The following STIM2 variants were observed in gnomAD, a reference collection of about 807,000 sequenced individuals.
The protein encoded by STIM2 is stromal interaction molecule 2.
Under a neutral mutation model 85.8 loss-of-function variants are expected in STIM2, and 31 were observed. The observed-to-expected ratio is 0.36, with a 90% CI of 0.27 to 0.49. The LOEUF (loss-of-function observed/expected upper bound fraction) is 0.49, where lower values mean the gene tolerates loss of function less well. Among genes scored for constraint, STIM2 ranks in the 20% least tolerant of loss-of-function variants. STIM2 has a pLI of 0.98. For synonymous variants in STIM2, 356 were observed against 331.1 expected (o/e 1.08, Z -0.82); for missense variants, 841 against 927.6 (o/e 0.91, Z 1.21).
chr4:26,911,399 C>A (rs956720303), intron 1 of STIM2, among the ~76,000 whole-genome samples: 1 of 152,112 alleles, frequency 6.6e-6, no homozygotes, highest in Non-Finnish European at 1.5e-5. Context: ...TTAGCAGGTA[C>A]TTCTTATGCA....
At position 26,984,373 on chromosome 4, in the gene STIM2, T is replaced by C. The variant is rs527466982; in HGVS notation, c.398-11006T>C. 1.4e-3 allele frequency among the ~76,000 whole-genome samples: 211 copies of C among 152,318 alleles called. 1 individual carries two copies. The highest frequency in any genetic ancestry group is 5.0e-3 in the African/African-American group (207 of 41,572). On this transcript the variant is annotated intron_variant, in intron 3 of 11. Coordinates refer to ENST00000467087, the MANE Select transcript of STIM2 (RefSeq NM_020860.4). ...CTATTTCTCCAATTTTTTTTGTTTTTGGAGATGGAGTCTCACTCACTCTGT... is the reference window on the plus strand; with the variant it reads ...CTATTTCTCCAATTTTTTTTGTTTTCGGAGATGGAGTCTCACTCACTCTGT...
chr4:26,951,446 G>T (rs1411360772), intron 2 of STIM2, among the ~76,000 whole-genome samples: 2 of 152,102 alleles, frequency 1.3e-5, no homozygotes, highest in East Asian at 3.9e-4. Context: ...AACTCATTTA[G>T]GGCAGTCATA....
intron 3 of STIM2, among the ~76,000 whole-genome samples, chr4:26,978,186 T>C (rs1727263633): frequency 6.6e-6 from 1 of 151,094 alleles, no homozygotes; most frequent in African/African-American, 2.4e-5. Flanking sequence ...TGAAGGGAGA[T>C]AATGTTGTGA....
chr4:26,987,033 A>G (rs1165597037), intron 3 of STIM2, among the ~76,000 whole-genome samples: 4 of 152,198 alleles, frequency 2.6e-5, no homozygotes, highest in Non-Finnish European at 5.9e-5. Flanking sequence ...TCATGGGAGA[A>G]AGAGATTGCT....
At chr4:26,890,749 G>A (rs866628756) in intron 1 of STIM2, among the ~76,000 whole-genome samples, 34 of 150,822 alleles carry the variant, frequency 2.3e-4, no homozygotes, top group East Asian at 9.8e-4. Flanking sequence ...GCGTGAACCC[G>A]GGAGGCGGAG....
chr4:26,996,419 A>T (rs577842800), intron 4 of STIM2, among the ~76,000 whole-genome samples: 1 of 152,032 alleles, frequency 6.6e-6, no homozygotes, highest in Non-Finnish European at 1.5e-5. Flanking sequence ...TCTAATCATT[A>T]TATGTAATGA....
chr4:26,975,975 C>T (rs930064960), intron 3 of STIM2, among the ~76,000 whole-genome samples: 2 of 152,374 alleles, frequency 1.3e-5, no homozygotes, highest in African/African-American at 2.4e-5. Context: ...CCTCCCCAAG[C>T]CAGGCTGCCA....
At chr4:26,891,094 T>G (rs1409534072) in intron 1 of STIM2, among the ~76,000 whole-genome samples, 3 of 152,344 alleles carry the variant, frequency 2.0e-5, no homozygotes, top group Non-Finnish European at 2.9e-5. Context: ...GCTTTATAGT[T>G]CAGTTTGTGT....
At chr4:26,986,892 G>T (rs2109118220) in intron 3 of STIM2, among the ~76,000 whole-genome samples, 1 of 152,362 alleles carries the variant, frequency 6.6e-6, no homozygotes, top group Non-Finnish European at 1.5e-5. Flanking sequence ...GCAACTTGGT[G>T]TGTTTTCTAC....
intron 1 of STIM2, among the ~76,000 whole-genome samples, chr4:26,891,572 CA>C (rs1723485583): frequency 6.7e-6 from 1 of 148,834 alleles, no homozygotes; most frequent in East Asian, 2.0e-4. Context: ...CACACACACA[CA>C]CACACACACA....
chr4:26,953,748 T>C (rs1456403795), intron 2 of STIM2, among the ~76,000 whole-genome samples: 1 of 152,118 alleles, frequency 6.6e-6, no homozygotes, highest in Non-Finnish European at 1.5e-5. Context: ...TTTCTCTTTC[T>C]GCATATTTAT....
At chr4:26,906,587 T>A (rs1387580087) in intron 1 of STIM2, among the ~76,000 whole-genome samples, 1 of 151,960 alleles carries the variant, frequency 6.6e-6, no homozygotes, top group Non-Finnish European at 1.5e-5. Flanking sequence ...ATATAAAATG[T>A]TAGTAAATTT....
At chr4:26,998,193 A>G (rs1159526921) in intron 4 of STIM2, among the ~76,000 whole-genome samples, 1 of 152,172 alleles carries the variant, frequency 6.6e-6, no homozygotes, top group South Asian at 2.1e-4. Context: ...TGAAATCTTT[A>G]CTAGCATCAT....
intron 1 of STIM2, among the ~76,000 whole-genome samples, chr4:26,876,064 A>G (rs1192516777): frequency 2.6e-5 from 4 of 151,990 alleles, no homozygotes; most frequent in African/African-American, 9.7e-5. Context: ...GAAAAGCTAG[A>G]TGTCTTGTTT....
chr4:26,879,352 T>G (rs1417243762), intron 1 of STIM2, among the ~76,000 whole-genome samples: 1 of 152,120 alleles, frequency 6.6e-6, no homozygotes, highest in Non-Finnish European at 1.5e-5. Context: ...TTTACCTGCC[T>G]GTGGTGAAGA....
rs28647799 is a variant in STIM2, at chr4:26,940,360, C to G, written c.283-17252C>G. ...TTTAATGATCACTTCTGCAAATATT[C>G]AGTTCTTTCTTCTGTCCACAATTTC... On this transcript the variant is annotated intron_variant, in intron 2 of 11. Coordinates refer to ENST00000467087, the MANE Select transcript of STIM2 (RefSeq NM_020860.4). Among the ~76,000 whole-genome samples the G allele has an allele frequency of 9.0e-3, 1,365 of 152,216 alleles. 29 individuals are homozygous for G. The highest frequency in any genetic ancestry group is 0.031 in the African/African-American group (1,306 of 41,542).
chr4:26,895,745 A>C lies in STIM2; in HGVS notation c.152-23759A>C, dbSNP rs182568640. ...CATTCAGCCAGAACAGGAGGGCCTAAGTTTCAGACAAATTTTAAATTAGTT... is the reference window on the plus strand; with the variant it reads ...CATTCAGCCAGAACAGGAGGGCCTACGTTTCAGACAAATTTTAAATTAGTT... On this transcript the variant is annotated intron_variant, in intron 1 of 11. Transcript: ENST00000467087. Among the ~76,000 whole-genome samples, 78 of 152,322 alleles carry C rather than the reference A, an allele frequency of 5.1e-4. 2 individuals are homozygous for C. In the East Asian group the frequency reaches 0.013, roughly 26 times the overall value.
chr4:26,892,182 A>G (rs139204383), intron 1 of STIM2, among the ~76,000 whole-genome samples: 1,595 of 152,336 alleles, frequency 0.01, 18 homozygotes, highest in Non-Finnish European at 0.015. Context: ...AGTCTTGGGT[A>G]TATCTTTATC....
At chr4:26,923,340 C>T (rs1216906240) in intron 2 of STIM2, among the ~76,000 whole-genome samples, 1 of 152,030 alleles carries the variant, frequency 6.6e-6, no homozygotes, top group Non-Finnish European at 1.5e-5. Flanking sequence ...CAAAGGAACG[C>T]AGTTCCTCAC....
Sources: allele counts gnomAD v4.1 joint callset (sites outside exome capture counted in the v4.1 genomes callset), GRCh38; gene constraint gnomAD v4.1.1; transcripts MANE v1.5; gene names NCBI Gene and HGNC (gene_info 2026-07-23, HGNC 2026-07-21).